The following TPRN variants were observed in gnomAD, a reference collection of about 807,000 sequenced individuals.
TPRN encodes the protein taperin.
TPRN carries 32 observed loss-of-function variants against 42.6 expected under a neutral mutation model. The ratio of observed to expected loss-of-function variants is 0.75; its 90% CI spans 0.57 to 1.01. The LOEUF (loss-of-function observed/expected upper bound fraction) is 1.01, where lower values mean the gene tolerates loss of function less well. Ranked by LOEUF, TPRN falls within the 50% of genes least tolerant of loss-of-function variation. The pLI is 0.00. For missense variants in TPRN, 1,095 were observed against 957.5 expected, an observed-to-expected ratio of 1.14 and a Z score of -1.90; for synonymous variants, 541 against 445.6, an observed-to-expected ratio of 1.21 and a Z score of -2.70.
Position 137,196,361 on chromosome 9 carries a change from C to T in TPRN, c.1725+2626G>A, listed in dbSNP as rs530980107. Among the ~76,000 whole-genome samples, 4 of 152,252 alleles carry T rather than the reference C, an allele frequency of 2.6e-5. No homozygotes were observed. The South Asian group carries it at 6.2e-4, about 24-fold the overall frequency. On this transcript the variant is annotated intron_variant, in intron 1 of 3. Coordinates refer to ENST00000409012, the MANE Select transcript of TPRN (RefSeq NM_001128228.3). The stretch of plus-strand genomic sequence containing the variant: ...CAGCACTTTGGGAGGCTAAGGCAGG[C>T]GGATCATCTGAGGTCAGGAGTTCGA...
At position 137,200,683 on chromosome 9, in the gene TPRN, C is replaced by T; in HGVS notation, c.29G>A (p.Gly10Glu). 8.2e-7 allele frequency: 1 copy of T among 1,218,806 alleles called. No individual in the cohort carries two copies. The highest frequency in any genetic ancestry group is 1.0e-6 in the Non-Finnish European group (1 of 969,066). The allele number at this position is 1,218,806 out of a possible 1,614,324, so 75.5% of individuals were successfully genotyped here. MAALGRPGS[G>E]PRAAVPAWKR... is the part of the protein sequence containing the mutation. ...CCAAGCGGGCACCGCAGCGCGCGGCCCCGAGCCCGGCCGCCCCAGGGCGGC... is the reference window on the plus strand; with the variant it reads ...CCAAGCGGGCACCGCAGCGCGCGGCTCCGAGCCCGGCCGCCCCAGGGCGGC... The change falls in exon 1 of 4, where the codon GGG (glycine) becomes GAG (glutamate). Residue 10 changes from glycine (G) to glutamate (E), a missense_variant. By Grantham distance (98) the Gly-to-Glu change is moderately conservative. Transcript: ENST00000409012. This position sits in a 1 kb window ranked among gnomAD's most constrained non-coding sequence, Gnocchi z 4.3.
At position 137,192,107 on chromosome 9, in the gene TPRN, T is replaced by C; in HGVS notation, c.*5A>G. 1 of 1,612,712 alleles carries C rather than the reference T, an allele frequency of 6.2e-7. No individual in the cohort carries two copies. Among genetic ancestry groups the C allele is most frequent in the Non-Finnish European group, 8.5e-7 (1 of 1,180,014 alleles). On this transcript the variant is annotated 3_prime_UTR_variant, in exon 4 of 4. Transcript: ENST00000409012. The stretch of plus-strand genomic sequence containing the variant: ...GGCTCAGCCTTGGTCCTGGCAGTGC[T>C]GGGCTCAGAAATACAGGGCTGGCTC...
rs562167855 is a variant in TPRN at position 137,200,550 on chromosome 9, G to T, written c.162C>A (p.Gly54=). 4,184 of 1,161,390 alleles carry T rather than the reference G, an allele frequency of 3.6e-3. 8 individuals carry two copies. The highest frequency in any genetic ancestry group is 4.1e-3 in the Non-Finnish European group (3,868 of 944,744). 71.9% of individuals were successfully genotyped at this position (1,161,390 alleles called of 1,614,324 possible). A position where few individuals can be genotyped will look rare whatever the true frequency, so the allele number is the denominator to read the frequency against. The part of the protein sequence containing the change: ...PEQRVLAESL[G]PLRENPFMLL... ...GCATGAACGGGTTCTCGCGCAGCGG[G>T]CCCAGGCTCTCGGCCAGCACCCGCT... is the stretch of plus-strand genomic sequence containing the variant. Residue 54 remains glycine, a synonymous_variant, in exon 1 of 4, where the codon GGC becomes GGA. Transcript: ENST00000409012. This position sits in a 1 kb window ranked among gnomAD's most constrained non-coding sequence, Gnocchi z 4.3.
In TPRN at chr9:137,199,715, C is replaced by T. The variant is rs1474636096; in HGVS notation, c.997G>A (p.Val333Ile). 1 of 1,611,454 alleles carries T rather than the reference C, an allele frequency of 6.2e-7. No individual in the cohort carries two copies. Among genetic ancestry groups the T allele is most frequent in the South Asian group, 1.1e-5 (1 of 90,744 alleles). ...CCGGAGGCCTTGCTCTTGGGGATGA[C>T]CATGAAAGAATTTCGAGAGTTTGCG... The part of the protein sequence containing the change: ...LRANSRNSFM[V>I]IPKSKASGAP... Residue 333 changes from valine (V) to isoleucine (I), a missense_variant, in exon 1 of 4, where the codon GTC becomes ATC. By Grantham distance (29) the Val-to-Ile change is conservative. Coordinates refer to ENST00000409012, the MANE Select transcript of TPRN (RefSeq NM_001128228.3).
Position 137,192,323 on chromosome 9 carries a change from T to C in TPRN, c.2009A>G (p.Lys670Arg), listed in dbSNP as rs752170155. 7.4e-6 allele frequency: 12 copies of C among 1,613,010 alleles called. No individual in the cohort carries two copies. Among genetic ancestry groups the C allele is most frequent in the Non-Finnish European group, 1.0e-5 (12 of 1,180,012 alleles). ...CTGCTCCAGCGCCTGCTCCTGCCAC[T>C]TGCTGAAGGCCACAGAGTGCTTCGG... ...YTPKHSVAFS[K>R]WQEQALEQAP... Residue 670 changes from lysine to arginine, a missense_variant, in exon 3 of 4, where the codon AAG becomes AGG. Transcript: ENST00000409012.
intron 1 of TPRN, among the ~76,000 whole-genome samples, chr9:137,195,366 G>T (rs1834690775): frequency 6.6e-6 from 1 of 152,240 alleles, no homozygotes; most frequent in South Asian, 2.1e-4. Context: ...GGCTTCAGAA[G>T]GACCACCTAG....
Position 137,200,069 on chromosome 9 carries a change from C to A in TPRN, c.643G>T (p.Gly215Cys), listed in dbSNP as rs1262238505. 3 of 1,430,758 alleles carry A rather than the reference C, an allele frequency of 2.1e-6. No individual in the cohort carries two copies. Among genetic ancestry groups the A allele is most frequent in the Non-Finnish European group, 2.7e-6 (3 of 1,099,040 alleles). The allele number at this position is 1,430,758 out of a possible 1,614,324, so 88.6% of individuals were successfully genotyped here. A position where few individuals can be genotyped will look rare whatever the true frequency, so the allele number is the denominator to read the frequency against. The stretch of plus-strand genomic sequence containing the variant: ...TTGGAGAGCAGGCGGGCGCCCGCGC[C>A]GCGGTGCAGACCCCGGGGGTGGACG... ...FTVHPRGLHR[G>C]AGARLLSNGH... The change falls in exon 1 of 4, where the codon GGC becomes TGC. Residue 215 changes from glycine to cysteine, a missense_variant. Transcript: ENST00000409012. The surrounding 1 kb of genome is among the most constrained non-coding windows in gnomAD (Gnocchi z 4.3).
At position 137,192,470 on chromosome 9, in the gene TPRN, C is replaced by G; in HGVS notation, c.1947G>C (p.Arg649=). The change falls in exon 2 of 4, where the codon CGG becomes CGC. Residue 649 remains arginine (R), a synonymous_variant. Coordinates refer to ENST00000409012, the MANE Select transcript of TPRN (RefSeq NM_001128228.3). ...FVSSVRPESS[R]LPEGSSGLSS... ...ACTCACCTGAGCTACCCTCTGGCAG[C>G]CGAGAGCTCTCGGGTCTCACGCTGC... The G allele has an allele frequency of 6.2e-7, 1 of 1,606,252 alleles. No individual in the cohort carries two copies. Among genetic ancestry groups the G allele is most frequent in the Non-Finnish European group, 8.5e-7 (1 of 1,176,814 alleles).
At position 137,198,999 on chromosome 9, in the gene TPRN, G is replaced by A. The variant is rs1221756900; in HGVS notation, c.1713C>T (p.Ser571=). ...CCCCACCACTGACCTTCTTTCTTGA[G>A]GAGCCAGCCTTGGTGAGGCAGGACT... ...LQKSCLTKAG[S]SRKKMKISFN... is the part of the protein sequence containing the mutation. The change falls in exon 1 of 4, where the codon TCC becomes TCT. Residue 571 remains serine (S), a synonymous_variant. Transcript: ENST00000409012. The A allele has an allele frequency of 1.9e-6, 3 of 1,613,008 alleles. No homozygotes were observed. Among genetic ancestry groups the A allele is most frequent in the Non-Finnish European group, 2.5e-6 (3 of 1,179,988 alleles).
chr9:137,199,748 T>C lies in TPRN; in HGVS notation c.964A>G (p.Ser322Gly). The stretch of plus-strand genomic sequence containing the variant: ...GAATTTCGAGAGTTTGCGCGGAGGC[T>C]GGCCAGCGCCCGGGCCTGGAGGTCC... The part of the protein sequence containing the change: ...LGDLQARALA[S>G]LRANSRNSFM... Residue 322 changes from serine to glycine, a missense_variant, in exon 1 of 4, where the codon AGC becomes GGC. Coordinates refer to ENST00000409012, the MANE Select transcript of TPRN (RefSeq NM_001128228.3). 1 of 1,612,058 alleles carries C rather than the reference T, an allele frequency of 6.2e-7. No individual in the cohort carries two copies. Among genetic ancestry groups the C allele is most frequent in the Non-Finnish European group, 8.5e-7 (1 of 1,179,662 alleles).
At chr9:137,192,726 G>A (rs1834646414) in intron 1 of TPRN, 35 bp from the exon 2 acceptor site, 2 of 1,608,076 alleles carry the variant, frequency 1.2e-6, no homozygotes, top group Non-Finnish European at 1.7e-6. Flanking sequence ...AGGGCTGAGG[G>A]CCCACATGGG....
In TPRN at chr9:137,200,154, C is replaced by A; in HGVS notation, c.558G>T (p.Gly186=). The A allele has an allele frequency of 8.3e-7, 1 of 1,206,156 alleles. No homozygotes were observed. Among genetic ancestry groups the A allele is most frequent in the South Asian group, 4.2e-5 (1 of 23,976 alleles). The allele number at this position is 1,206,156 out of a possible 1,614,324, so 74.7% of individuals were successfully genotyped here. A position where few individuals can be genotyped will look rare whatever the true frequency, so the allele number is the denominator to read the frequency against. Residue 186 remains glycine, a synonymous_variant, in exon 1 of 4, where the codon GGG becomes GGT. Coordinates refer to ENST00000409012, the MANE Select transcript of TPRN (RefSeq NM_001128228.3). The surrounding 1 kb of genome is among the most constrained non-coding windows in gnomAD (Gnocchi z 4.3). ...CGCTGCGCCGGGCCCCGGGGCTCGC[C>A]CCGCCACCGCGGGGCCCGGGCGCGG... ...PPAAPGPRGG[G]ASPGARRSDF...
In TPRN at chr9:137,200,189, TGGGGGCCGCGGGC is replaced by T; in HGVS notation, c.510_522del (p.Pro171AlafsTer275). ...CGGGGCCCGGGCGCGGCGGGCGGGC[TGGGGGCCGCGGGC>T]GGGGGCCGGGGCGGCGCGGGCGGCG... On this transcript the variant is annotated frameshift_variant, in exon 1 of 4. Transcript: ENST00000409012. LOFTEE classifies it high-confidence loss of function. The surrounding 1 kb of genome is among the most constrained non-coding windows in gnomAD (Gnocchi z 4.3). 1 of 961,638 alleles carries T rather than the reference TGGGGGCCGCGGGC, an allele frequency of 1.0e-6. No individual in the cohort carries two copies. Among genetic ancestry groups the T allele is most frequent in the Non-Finnish European group, 1.2e-6 (1 of 818,836 alleles). The allele number at this position is 961,638 out of a possible 1,614,324, so 59.6% of individuals were successfully genotyped here.
At position 137,199,017 on chromosome 9, in the gene TPRN, G is replaced by A; in HGVS notation, c.1695C>T (p.Cys565=). ...TTCTTGAGGAGCCAGCCTTGGTGAGGCAGGACTTCTGCAGGGCCAGGTAGC... is the reference window on the plus strand; with the variant it reads ...TTCTTGAGGAGCCAGCCTTGGTGAGACAGGACTTCTGCAGGGCCAGGTAGC... ...IGGYLALQKS[C]LTKAGSSRKK... is the part of the protein sequence containing the mutation. Residue 565 remains cysteine, a synonymous_variant, in exon 1 of 4, where the codon TGC becomes TGT. Coordinates refer to ENST00000409012, the MANE Select transcript of TPRN (RefSeq NM_001128228.3). The A allele has an allele frequency of 6.2e-7, 1 of 1,613,072 alleles. No individual in the cohort carries two copies. Among genetic ancestry groups the A allele is most frequent in the Non-Finnish European group, 8.5e-7 (1 of 1,180,004 alleles).
chr9:137,198,413 G>A (rs938968335), intron 1 of TPRN, among the ~76,000 whole-genome samples: 9 of 152,340 alleles, frequency 5.9e-5, no homozygotes, highest in African/African-American at 1.4e-4. Flanking sequence ...AGGCATACAC[G>A]GCACTCCTGC....
In TPRN at chr9:137,199,149, G is replaced by C; in HGVS notation, c.1563C>G (p.Asn521Lys). ...TLQDQHFSQA[N>K]REPRPREAEE... Reference sequence around the variant, plus strand: ...CGGCCTCCCGTGGCCGAGGCTCCCTGTTGGCCTGACTGAAGTGCTGGTCCT... The same window carrying C: ...CGGCCTCCCGTGGCCGAGGCTCCCTCTTGGCCTGACTGAAGTGCTGGTCCT... Residue 521 changes from asparagine to lysine, a missense_variant, in exon 1 of 4, where the codon AAC becomes AAG. Coordinates refer to ENST00000409012, the MANE Select transcript of TPRN (RefSeq NM_001128228.3). 6.2e-7 allele frequency: 1 copy of C among 1,613,250 alleles called. No individual in the cohort carries two copies. The highest frequency in any genetic ancestry group is 1.7e-5 in the Admixed American group (1 of 60,030).
Position 137,200,201 on chromosome 9 carries a change from G to A in TPRN, c.511C>T (p.Pro171Ser). 1.1e-6 allele frequency: 1 copy of A among 952,012 alleles called. No individual in the cohort carries two copies. The highest frequency in any genetic ancestry group is 1.2e-6 in the Non-Finnish European group (1 of 803,730). 59.0% of individuals were successfully genotyped at this position (952,012 alleles called of 1,614,324 possible). A position where few individuals can be genotyped will look rare whatever the true frequency, so the allele number is the denominator to read the frequency against. Residue 171 changes from proline to serine, a missense_variant, in exon 1 of 4, where the codon CCC (proline) becomes TCC (serine). By Grantham distance (74) the Pro-to-Ser change is moderately conservative. Transcript: ENST00000409012. The surrounding 1 kb of genome is among the most constrained non-coding windows in gnomAD (Gnocchi z 4.3). The part of the protein sequence containing the change: ...PPPPAPPRPP[P>S]AAPSPPAAPG... ...GCGGCGGGCGGGCTGGGGGCCGCGG[G>A]CGGGGGCCGGGGCGGCGCGGGCGGC...
Position 137,199,780 on chromosome 9 carries a change from G to A in TPRN, c.932C>T (p.Pro311Leu), listed in dbSNP as rs755838477. Residue 311 changes from proline (P) to leucine (L), a missense_variant, in exon 1 of 4, where the codon CCC becomes CTC. Transcript: ENST00000409012. Reference sequence around the variant, plus strand: ...CGCCCGGGCCTGGAGGTCCCCCAAGGGGATGGTCTCCATAACTGGCTTGGG... The same window carrying A: ...CGCCCGGGCCTGGAGGTCCCCCAAGAGGATGGTCTCCATAACTGGCTTGGG... ...PAPKPVMETI[P>L]LGDLQARALA... 1 of 1,609,652 alleles carries A rather than the reference G, an allele frequency of 6.2e-7. No individual in the cohort carries two copies. Among genetic ancestry groups the A allele is most frequent in the Non-Finnish European group, 8.5e-7 (1 of 1,178,658 alleles).
rs1020201244 is a variant in TPRN, at chr9:137,199,522, C to T, written c.1190G>A (p.Gly397Glu). 4 of 1,570,578 alleles carry T rather than the reference C, an allele frequency of 2.5e-6. No individual in the cohort carries two copies. The African/African-American group carries it at 5.4e-5, about 21-fold the overall frequency. Reference sequence around the variant, plus strand: ...GGCGGTGGCTGTCCTGGGACAGGCCCCCTCCTCGACTGCCCACTGTGCCTC... The same window carrying T: ...GGCGGTGGCTGTCCTGGGACAGGCCTCCTCCTCGACTGCCCACTGTGCCTC... ...EVEAQWAVEE[G>E]ACPRTATALA... The change falls in exon 1 of 4, where the codon GGG becomes GAG. Residue 397 changes from glycine to glutamate, a missense_variant. Gly to Glu is a moderately conservative substitution (Grantham distance 98, BLOSUM62 -2). Transcript: ENST00000409012.
Sources: allele counts gnomAD v4.1 joint callset (sites outside exome capture counted in the v4.1 genomes callset), GRCh38; gene constraint gnomAD v4.1.1; non-coding constraint Gnocchi (gnomAD v3.1); transcripts MANE v1.5; gene names NCBI Gene and HGNC (gene_info 2026-07-23, HGNC 2026-07-21).